The following AGAP1 variants were observed in gnomAD, a reference collection of about 807,000 sequenced individuals.
The protein encoded by AGAP1 is arf-GAP with GTPase, ANK repeat and PH domain-containing protein 1.
In AGAP1, 29 loss-of-function variants were observed where a neutral mutation model predicts 105.3. The observed-to-expected ratio is 0.28, with a 90% CI of 0.21 to 0.38. The LOEUF is 0.38. AGAP1 is among the 10% of genes least tolerant of loss of function. The probability of loss-of-function intolerance (pLI) is 1.00; values close to 1 mark genes in which losing one functional copy is unlikely to be tolerated. For synonymous variants in AGAP1, 509 were observed against 485.9 expected, an observed-to-expected ratio of 1.05 and a Z score of -0.63; for missense variants, 998 against 1,165.1, an observed-to-expected ratio of 0.86 and a Z score of 2.09.
At chr2:236,106,947 G>A (rs952358246) in intron 16 of AGAP1, among the ~76,000 whole-genome samples, 1 of 151,772 alleles carries the variant, frequency 6.6e-6, no homozygotes, top group African/African-American at 2.4e-5. Flanking sequence ...TTTTACAGAT[G>A]TGTCAACGTG....
rs557850623 is a variant in AGAP1, at chr2:235,931,788, G to A, written c.1483+865G>A. Among the ~76,000 whole-genome samples the A allele has an allele frequency of 1.3e-5, 2 of 151,964 alleles. No homozygotes were observed. Among genetic ancestry groups the A allele is most frequent in the African/African-American group, 2.4e-5 (1 of 41,352 alleles). On this transcript the variant is annotated intron_variant, in intron 12 of 17. Transcript: ENST00000304032. The surrounding 1 kb of genome is among the most constrained non-coding windows in gnomAD (Gnocchi z 5.6). ...CCTTATTTCTAGTGGCTCCGCAGAC[G>A]CCACCAAGCAGAAGCCTTAAAGGAA...
Position 236,125,823 on chromosome 2 carries a change from C to CA in AGAP1, c.*1701_*1702insA, listed in dbSNP as rs2059995558. ...AATGTAGTCAACCAAACCACAGCAT[C>CA]CCTTAGGTTAAAAGCAAACGGGGCA... On this transcript the variant is annotated 3_prime_UTR_variant, in exon 18 of 18. Transcript: ENST00000304032. The surrounding 1 kb of genome is among the most constrained non-coding windows in gnomAD (Gnocchi z 5.2). 1 of 152,172 alleles carries CA rather than the reference C, an allele frequency of 6.6e-6. No homozygotes were observed. Among genetic ancestry groups the CA allele is most frequent in the African/African-American group, 2.4e-5 (1 of 41,428 alleles). 9.4% of individuals were successfully genotyped at this position (152,172 alleles called of 1,614,324 possible). A position where few individuals can be genotyped will look rare whatever the true frequency, so the allele number is the denominator to read the frequency against.
At position 235,905,244 on chromosome 2, in the gene AGAP1, A is replaced by G. The variant is rs1331989872; in HGVS notation, c.1156-3494A>G. Among the ~76,000 whole-genome samples, 1 of 152,258 alleles carries G rather than the reference A, an allele frequency of 6.6e-6. No individual in the cohort carries two copies. Among genetic ancestry groups the G allele is most frequent in the African/African-American group, 2.4e-5 (1 of 41,470 alleles). On this transcript the variant is annotated intron_variant, in intron 10 of 17. Transcript: ENST00000304032. This position sits in a 1 kb window ranked among gnomAD's most constrained non-coding sequence, Gnocchi z 4.2. ...AGAGCCCATAAGCAATAAATGCTCAATTACACTCCTGTTATTGTATTTTAA... is the reference window on the plus strand; with the variant it reads ...AGAGCCCATAAGCAATAAATGCTCAGTTACACTCCTGTTATTGTATTTTAA...
At chr2:235,563,333 G>A (rs978381960) in intron 1 of AGAP1, among the ~76,000 whole-genome samples, 9 of 152,078 alleles carry the variant, frequency 5.9e-5, no homozygotes, top group South Asian at 4.1e-4. Context: ...CTGCCTCTGT[G>A]CCCTCCTGTC....
At position 235,733,976 on chromosome 2, in the gene AGAP1, CTT is replaced by C. The variant is rs1377307242; in HGVS notation, c.311-6984_311-6983del. 7.9e-5 allele frequency among the ~76,000 whole-genome samples: 12 copies of C among 152,276 alleles called. No homozygotes were observed. Among genetic ancestry groups the C allele is most frequent in the African/African-American group, 2.2e-4 (9 of 41,566 alleles). ...TCCTTTTAAATGTCACAATACAAAA[CTT>C]TTCCAAAACCCCAACATTAGTGACT... On this transcript the variant is annotated intron_variant, in intron 3 of 17. Transcript: ENST00000304032. This position sits in a 1 kb window ranked among gnomAD's most constrained non-coding sequence, Gnocchi z 5.0.
chr2:235,832,489 T>C (rs1256592501), intron 9 of AGAP1, among the ~76,000 whole-genome samples: 1 of 152,228 alleles, frequency 6.6e-6, no homozygotes, highest in East Asian at 1.9e-4. Flanking sequence ...GATGAGATAA[T>C]TGCTTAGGAG....
chr2:235,624,313 C>T (rs1269782963), intron 1 of AGAP1, among the ~76,000 whole-genome samples: 2 of 152,202 alleles, frequency 1.3e-5, no homozygotes, highest in Non-Finnish European at 2.9e-5. Context: ...GCCCCCTTCT[C>T]TGTTCTGTTG....
rs1187353928 is a variant in AGAP1, at chr2:235,740,336, G to A, written c.311-627G>A. Among the ~76,000 whole-genome samples the A allele has an allele frequency of 6.6e-6, 1 of 151,932 alleles. No homozygotes were observed. Among genetic ancestry groups the A allele is most frequent in the South Asian group, 2.1e-4 (1 of 4,798 alleles). On this transcript the variant is annotated intron_variant, in intron 3 of 17. Coordinates refer to ENST00000304032, the MANE Select transcript of AGAP1 (RefSeq NM_001037131.3). The surrounding 1 kb of genome is among the most constrained non-coding windows in gnomAD (Gnocchi z 5.7). ...CCCGGTGGTCTCCCGCTAACCCCGC[G>A]TGGTCTCTAACGCCTCCTGTCAGCC... is the stretch of plus-strand genomic sequence containing the variant.
At position 235,664,770 on chromosome 2, in the gene AGAP1, G is replaced by A. The variant is rs1177894952; in HGVS notation, c.164-44409G>A. 6.6e-6 allele frequency among the ~76,000 whole-genome samples: 1 copy of A among 152,076 alleles called. No individual in the cohort carries two copies. The highest frequency in any genetic ancestry group is 6.5e-5 in the Admixed American group (1 of 15,268). ...GAATCTCCCGTGTTCCTCATGCATG[G>A]GTAGAACTAAAGCCTCTTCTTCTGT... On this transcript the variant is annotated intron_variant, in intron 1 of 17. Coordinates refer to ENST00000304032, the MANE Select transcript of AGAP1 (RefSeq NM_001037131.3). This position sits in a 1 kb window ranked among gnomAD's most constrained non-coding sequence, Gnocchi z 5.7.
rs1190313916 is a variant in AGAP1 at position 235,750,198 on chromosome 2, T to C, written c.539-156T>C. Among the ~76,000 whole-genome samples the C allele has an allele frequency of 6.6e-6, 1 of 152,240 alleles. No homozygotes were observed. Among genetic ancestry groups the C allele is most frequent in the Non-Finnish European group, 1.5e-5 (1 of 68,034 alleles). ...TAACTTTCTCTTGTGTTTGAGTCTCTTAGTTGGGAGGCAAACGATGCTCTA... is the reference window on the plus strand; with the variant it reads ...TAACTTTCTCTTGTGTTTGAGTCTCCTAGTTGGGAGGCAAACGATGCTCTA... On this transcript the variant is annotated intron_variant, in intron 5 of 17. Transcript: ENST00000304032. The surrounding 1 kb of genome is among the most constrained non-coding windows in gnomAD (Gnocchi z 5.3).
chr2:235,784,777 G>A (rs1643214524), intron 6 of AGAP1, among the ~76,000 whole-genome samples: 1 of 152,066 alleles, frequency 6.6e-6, no homozygotes, highest in African/African-American at 2.4e-5. Context: ...AAGTTTGTGG[G>A]TAATGTTACT....
chr2:235,674,934 C>A (rs13012659), intron 1 of AGAP1, among the ~76,000 whole-genome samples: 173 of 151,664 alleles, frequency 1.1e-3, no homozygotes, highest in African/African-American at 4.1e-3. Flanking sequence ...TGATCCACCC[C>A]CCTCGGTCTG....
At chr2:235,861,763 G>A (rs931727240) in intron 9 of AGAP1, among the ~76,000 whole-genome samples, 2 of 152,292 alleles carry the variant, frequency 1.3e-5, no homozygotes, top group South Asian at 4.1e-4. Flanking sequence ...CTTATCAGGG[G>A]ATTGATTCTG....
chr2:235,777,039 A>G lies in AGAP1; in HGVS notation c.674-20720A>G, dbSNP rs1955927913. On this transcript the variant is annotated intron_variant, in intron 6 of 17. Coordinates refer to ENST00000304032, the MANE Select transcript of AGAP1 (RefSeq NM_001037131.3). This position sits in a 1 kb window ranked among gnomAD's most constrained non-coding sequence, Gnocchi z 5.1. ...GTCTGCTCTTGAGAGGCCAGGCTGG[A>G]TCCTGCAGAGAAACGAGGAAGTATT... The G allele has an allele frequency of 2.1e-6, 1 of 471,016 alleles. No homozygotes were observed. The highest frequency in any genetic ancestry group is 2.0e-5 in the African/African-American group (1 of 50,052). 29.2% of individuals were successfully genotyped at this position (471,016 alleles called of 1,614,324 possible).
In AGAP1 at chr2:235,692,305, T is replaced by C. The variant is rs1460931121; in HGVS notation, c.164-16874T>C. On this transcript the variant is annotated intron_variant, in intron 1 of 17. Transcript: ENST00000304032. The surrounding 1 kb of genome is among the most constrained non-coding windows in gnomAD (Gnocchi z 5.8). ...AGAACGTGGCCCCTGCCTTCCATCT[T>C]CCCCAGGGTGCCAGTGGGGACCTTG... 6.6e-6 allele frequency among the ~76,000 whole-genome samples: 1 copy of C among 151,882 alleles called. No homozygotes were observed. The highest frequency in any genetic ancestry group is 2.4e-5 in the African/African-American group (1 of 41,332).
In AGAP1 at chr2:235,586,469, G is replaced by GT. The variant is rs1400847263; in HGVS notation, c.163+91621dup. Reference sequence around the variant, plus strand: ...AAGGTGGAGGCAGCTGTTATGTGGTGTGTTGGATTCACAGCAGTCAAGGCT... The same window carrying GT: ...AAGGTGGAGGCAGCTGTTATGTGGTGTTGTTGGATTCACAGCAGTCAAGGCT... On this transcript the variant is annotated intron_variant, in intron 1 of 17. Transcript: ENST00000304032. The surrounding 1 kb of genome is among the most constrained non-coding windows in gnomAD (Gnocchi z 4.2). Among the ~76,000 whole-genome samples the GT allele has an allele frequency of 6.6e-6, 1 of 152,204 alleles. No homozygotes were observed. The highest frequency in any genetic ancestry group is 6.5e-5 in the Admixed American group (1 of 15,280).
Position 235,901,117 on chromosome 2 carries a change from G to A in AGAP1, c.1156-7621G>A, listed in dbSNP as rs191821878. Among the ~76,000 whole-genome samples, 7 of 152,132 alleles carry A rather than the reference G, an allele frequency of 4.6e-5. No homozygotes were observed. The highest frequency in any genetic ancestry group is 1.4e-4 in the African/African-American group (6 of 41,438). On this transcript the variant is annotated intron_variant, in intron 10 of 17. Coordinates refer to ENST00000304032, the MANE Select transcript of AGAP1 (RefSeq NM_001037131.3). This position sits in a 1 kb window ranked among gnomAD's most constrained non-coding sequence, Gnocchi z 4.3. ...GACTTTGGTCTGCACCTGTGACTAC[G>A]TACAAGGCCATTGTTTATTATTCAT...
chr2:235,892,205 A>G (rs978618984), intron 10 of AGAP1, among the ~76,000 whole-genome samples: 12 of 152,084 alleles, frequency 7.9e-5, no homozygotes, highest in South Asian at 6.2e-4. Flanking sequence ...ATGTGCCCAC[A>G]TTAAAACAGC....
intron 16 of AGAP1, among the ~76,000 whole-genome samples, chr2:236,102,142 G>C (rs373164969): frequency 2.0e-5 from 3 of 152,140 alleles, no homozygotes; most frequent in African/African-American, 7.2e-5. Flanking sequence ...ATTAGGCCGG[G>C]CGCGGTGGCT....
Sources: gnomAD v4.1 joint callset for allele counts (sites outside exome capture counted in the v4.1 genomes callset) on GRCh38, gnomAD v4.1.1 for gene constraint, Gnocchi (gnomAD v3.1) non-coding constraint, MANE v1.5 for transcripts, NCBI Gene and HGNC (gene_info 2026-07-23, HGNC 2026-07-21) for gene names.